Variants in TBX20 observed in about 807,000 individuals in gnomAD.
TBX20 encodes the protein T-box transcription factor 20, also known as T-box transcription factor TBX20.
A neutral mutation model predicts 42.9 loss-of-function variants in TBX20; 8 were observed. That is an observed-to-expected ratio of 0.19 (90% CI 0.11 to 0.34). The LOEUF (loss-of-function observed/expected upper bound fraction) is 0.34. Among genes scored for constraint, TBX20 ranks in the 10% least tolerant of loss-of-function variants. TBX20 has a pLI of 1.00. For synonymous variants in TBX20, 198 were observed against 222.8 expected (o/e 0.89, Z 0.99); for missense variants, 411 against 566.0 (o/e 0.73, Z 2.78).
intron 6 of TBX20, among the ~76,000 whole-genome samples, chr7:35,214,499 CA>C (rs1188837591): frequency 6.6e-6 from 1 of 152,092 alleles, no homozygotes; most frequent in Non-Finnish European, 1.5e-5. Context: ...ATATTCAAAG[CA>C]AAAGTTAATG....
rs1199569677 is a variant in TBX20, at chr7:35,253,495, C to G, written c.126G>C (p.Leu42=). Residue 42 remains leucine, a splice_region_variant and synonymous_variant, in exon 1 of 8, where the codon CTG becomes CTC. Transcript: ENST00000408931. ...KEATENTIKP[L]EQFVEKSSCA... is the part of the protein sequence containing the mutation. Reference sequence around the variant, plus strand: ...GGACAGCCGGGTAGCCCAACTTACCCAGGGGTTTGATTGTGTTCTCCGTCG... The same window carrying G: ...GGACAGCCGGGTAGCCCAACTTACCGAGGGGTTTGATTGTGTTCTCCGTCG... The G allele has an allele frequency of 7.5e-6, 12 of 1,610,358 alleles. No individual in the cohort carries two copies. The South Asian group carries it at 9.9e-5, about 13-fold the overall frequency.
At chr7:35,248,631 C>T in intron 3 of TBX20, 46 bp downstream of exon 3, 1 of 1,598,866 alleles carries the variant, frequency 6.3e-7, no homozygotes, top group Non-Finnish European at 8.6e-7. Context: ...AACATTCTGA[C>T]AGATGCACTA....
intron 6 of TBX20, among the ~76,000 whole-genome samples, chr7:35,211,615 A>G (rs527241868): frequency 1.3e-5 from 2 of 152,298 alleles, no homozygotes; most frequent in African/African-American, 4.8e-5. Context: ...TAGGCATTCA[A>G]TACAGTCCTC....
At chr7:35,219,167 C>G (rs1051485575) in intron 6 of TBX20, among the ~76,000 whole-genome samples, 1 of 152,142 alleles carries the variant, frequency 6.6e-6, no homozygotes, top group African/African-American at 2.4e-5. Context: ...GCCTAGTCTG[C>G]TCTGTGACTC....
In TBX20 at chr7:35,250,162, C is replaced by T. The variant is rs1790277226; in HGVS notation, c.169G>A (p.Glu57Lys). ...CCATGAGCATCCAGGCTGGTCAGCT[C>T]ACCCAGGGGCTGGGCACAGGACGAC... Reference protein sequence around the residue: ...EKSSCAQPLGELTSLDAHGEF... With the variant: ...EKSSCAQPLGKLTSLDAHGEF... Residue 57 changes from glutamate (E) to lysine (K), a missense_variant, in exon 2 of 8, where the codon GAG (glutamate) becomes AAG (lysine). Glu to Lys is a moderately conservative substitution (Grantham distance 56, BLOSUM62 1). Coordinates refer to ENST00000408931, the MANE Select transcript of TBX20 (RefSeq NM_001077653.2). 6.2e-7 allele frequency: 1 copy of T among 1,614,096 alleles called. No individual in the cohort carries two copies. Among genetic ancestry groups the T allele is most frequent in the Non-Finnish European group, 8.5e-7 (1 of 1,180,018 alleles).
At chr7:35,214,241 C>G (rs1273564137) in intron 6 of TBX20, among the ~76,000 whole-genome samples, 1 of 151,970 alleles carries the variant, frequency 6.6e-6, no homozygotes, top group Non-Finnish European at 1.5e-5. Context: ...TAATGTGGTC[C>G]AAACAGGATT....
intron 4 of TBX20, among the ~76,000 whole-genome samples, chr7:35,243,245 C>G (rs1212417614): frequency 1.3e-5 from 2 of 152,184 alleles, no homozygotes; most frequent in Non-Finnish European, 2.9e-5. Flanking sequence ...GTCAGCCTCT[C>G]AAAGTGCTGG....
At chr7:35,209,402 T>A (rs925004654) in intron 6 of TBX20, among the ~76,000 whole-genome samples, 1 of 152,188 alleles carries the variant, frequency 6.6e-6, no homozygotes, top group Non-Finnish European at 1.5e-5. Context: ...GTAGATTCTG[T>A]CTACAAGAAA....
intron 6 of TBX20, among the ~76,000 whole-genome samples, chr7:35,221,946 A>G (rs1584346199): frequency 6.6e-6 from 1 of 152,342 alleles, no homozygotes; most frequent in East Asian, 1.9e-4. Context: ...TTAAACAAAA[A>G]TTACTGGCTG....
At chr7:35,229,909 C>T (rs373925442) in intron 6 of TBX20, among the ~76,000 whole-genome samples, 4 of 152,284 alleles carry the variant, frequency 2.6e-5, no homozygotes, top group South Asian at 2.1e-4. Context: ...TCTAGATGAG[C>T]GTACAGACTC....
chr7:35,233,298 C>T (rs1584351664), intron 5 of TBX20, among the ~76,000 whole-genome samples: 1 of 152,184 alleles, frequency 6.6e-6, no homozygotes, highest in East Asian at 1.9e-4. Flanking sequence ...ATAAGATTAA[C>T]TCTTTGATAA....
At chr7:35,230,733 G>C (rs965933253) in intron 6 of TBX20, among the ~76,000 whole-genome samples, 12 of 152,082 alleles carry the variant, frequency 7.9e-5, no homozygotes, top group African/African-American at 2.7e-4. Flanking sequence ...GAAAATCAGT[G>C]GTTCTGGTGG....
chr7:35,249,169 A>G lies in TBX20; in HGVS notation c.381-328T>C, dbSNP rs1328370566. Among the ~76,000 whole-genome samples, 2 of 152,198 alleles carry G rather than the reference A, an allele frequency of 1.3e-5. No homozygotes were observed. On this transcript the variant is annotated intron_variant, in intron 2 of 7. Coordinates refer to ENST00000408931, the MANE Select transcript of TBX20 (RefSeq NM_001077653.2). The surrounding 1 kb of genome is among the most constrained non-coding windows in gnomAD (Gnocchi z 4.3). ...ATCCCATGCATTTTAACGATCAAGC[A>G]CATTAAGTGTCCCAGGACCCGAAGT...
chr7:35,247,165 C>CAAAAAA (rs757916672), intron 3 of TBX20, among the ~76,000 whole-genome samples: 3 of 79,630 alleles, frequency 3.8e-5, no homozygotes, highest in African/African-American at 9.8e-5. Context: ...GACTGGAGGG[C>CAAAAAA]AAAAAAAAAA....
intron 6 of TBX20, among the ~76,000 whole-genome samples, chr7:35,229,614 A>T (rs1031437120): frequency 6.6e-6 from 1 of 152,208 alleles, no homozygotes; most frequent in Non-Finnish European, 1.5e-5. Context: ...ATGTGGCCAC[A>T]TGCATTATCA....
At chr7:35,222,390 A>C (rs533042991) in intron 6 of TBX20, among the ~76,000 whole-genome samples, 1 of 152,354 alleles carries the variant, frequency 6.6e-6, no homozygotes, top group South Asian at 2.1e-4. Context: ...GCCAATAGCT[A>C]TATTGAACAG....
chr7:35,234,547 T>G (rs1289604888), intron 5 of TBX20, among the ~76,000 whole-genome samples: 2 of 152,236 alleles, frequency 1.3e-5, no homozygotes, highest in African/African-American at 2.4e-5. Flanking sequence ...GCTAATATCA[T>G]TTTAATCCAA....
At chr7:35,232,362 T>G (rs1789883033) in intron 5 of TBX20, among the ~76,000 whole-genome samples, 1 of 152,192 alleles carries the variant, frequency 6.6e-6, no homozygotes, top group Non-Finnish European at 1.5e-5. Flanking sequence ...GCACCATGAC[T>G]CTGAAGGAGA....
At chr7:35,251,155 G>A (rs905882869) in intron 1 of TBX20, among the ~76,000 whole-genome samples, 2 of 152,160 alleles carry the variant, frequency 1.3e-5, no homozygotes, top group African/African-American at 4.8e-5. Context: ...GGAATACAGG[G>A]AGACTTCTGT....
Sources: gnomAD v4.1 joint callset for allele counts (sites outside exome capture counted in the v4.1 genomes callset) on GRCh38, gnomAD v4.1.1 for gene constraint, Gnocchi (gnomAD v3.1) non-coding constraint, MANE v1.5 for transcripts, NCBI Gene and HGNC (gene_info 2026-07-23, HGNC 2026-07-21) for gene names.